SGTB: variants seen among roughly 807,000 people sequenced by gnomAD.
The protein encoded by SGTB is small glutamine rich tetratricopeptide repeat co-chaperone beta.
A neutral mutation model predicts 43.9 loss-of-function variants in SGTB; 19 were observed. The observed-to-expected ratio is 0.43, with a 90% confidence interval of 0.30 to 0.63. SGTB has a LOEUF of 0.63. Ranked by LOEUF, SGTB falls within the 30% of genes least tolerant of loss-of-function variation. The pLI is 0.12. For missense variants in SGTB, 304 were observed against 358.9 expected (o/e 0.85, Z 1.24); for synonymous variants, 116 against 117.3 (o/e 0.99, Z 0.07).
At chr5:65,698,889 T>TG (rs1171256411) in intron 5 of SGTB, among the ~76,000 whole-genome samples, 4 of 152,182 alleles carry the variant, frequency 2.6e-5, no homozygotes, top group Admixed American at 2.6e-4. Flanking sequence ...CAACAGATGT[T>TG]GGCATGGACG....
chr5:65,703,740 A>C (rs1455599093), intron 5 of SGTB, among the ~76,000 whole-genome samples: 1 of 150,668 alleles, frequency 6.6e-6, no homozygotes, highest in Non-Finnish European at 1.5e-5. Context: ...AATAAAAATA[A>C]AAATGAATAA....
At chr5:65,722,110 G>A (rs984704860), upstream of SGTB, 90 of 179,072 alleles carry the variant, frequency 5.0e-4, no homozygotes, top group African/African-American at 2.0e-3. Flanking sequence ...GGCAGGGTCT[G>A]GCCAGCACCG....
At chr5:65,690,762 C>T (rs959091165) in intron 5 of SGTB, among the ~76,000 whole-genome samples, 1 of 152,070 alleles carries the variant, frequency 6.6e-6, no homozygotes, top group Non-Finnish European at 1.5e-5. Context: ...CACTCTCATC[C>T]TATAGGGGAT....
At chr5:65,685,255 C>G (rs1757476390) in intron 6 of SGTB, 113 bp downstream of exon 6, 1 of 805,230 alleles carries the variant, frequency 1.2e-6, no homozygotes, top group Admixed American at 2.4e-5. Flanking sequence ...TTTTATTTAT[C>G]CTCTTATTAG....
intron 2 of SGTB, among the ~76,000 whole-genome samples, chr5:65,715,751 C>T (rs1209683413): frequency 6.6e-6 from 1 of 152,136 alleles, no homozygotes; most frequent in East Asian, 1.9e-4. Flanking sequence ...AGCAGAAAAG[C>T]AGCTGCAGGG....
chr5:65,677,014 CA>C (rs34685401), intron 8 of SGTB, among the ~76,000 whole-genome samples: 107,882 of 134,394 alleles, frequency 0.8, 42,563 homozygotes, highest in East Asian at 0.98. Flanking sequence ...GAAAACCCTT[CA>C]AAAAAAAAAA....
chr5:65,686,588 G>C lies in SGTB; in HGVS notation c.375-1116C>G, dbSNP rs28491762. ...TGCCCAGGCAAGTCCTGAACTCCTG[G>C]GCTCATGCTATCCTCCCGCCTCTGC... On this transcript the variant is annotated intron_variant, in intron 5 of 10. Coordinates refer to ENST00000381007, the MANE Select transcript of SGTB (RefSeq NM_019072.3). 1.5e-3 allele frequency among the ~76,000 whole-genome samples: 228 copies of C among 151,366 alleles called. 1 individual carries two copies. Among genetic ancestry groups the C allele is most frequent in the African/African-American group, 5.5e-3 (226 of 41,166 alleles).
At chr5:65,715,770 G>C (rs910151610) in intron 2 of SGTB, among the ~76,000 whole-genome samples, 1 of 152,098 alleles carries the variant, frequency 6.6e-6, no homozygotes, top group East Asian at 1.9e-4. Flanking sequence ...GGTTTTTGTT[G>C]TTGTTGTTGT....
chr5:65,694,113 A>G (rs1224306469), intron 5 of SGTB, among the ~76,000 whole-genome samples: 1 of 152,138 alleles, frequency 6.6e-6, no homozygotes, highest in Non-Finnish European at 1.5e-5. Flanking sequence ...GCATAGGGGC[A>G]TGGTCAGGAG....
intron 5 of SGTB, among the ~76,000 whole-genome samples, chr5:65,701,789 T>C (rs554075410): frequency 2.0e-3 from 308 of 152,124 alleles, no homozygotes; most frequent in Non-Finnish European, 3.6e-3. Context: ...CCTGCCACCA[T>C]GCCCGGCTAA....
chr5:65,680,737 T>C lies in SGTB; in HGVS notation c.537A>G (p.Ala179=). The C allele has an allele frequency of 2.5e-6, 4 of 1,614,076 alleles. No individual in the cohort carries two copies. The highest frequency in any genetic ancestry group is 2.2e-5 in the South Asian group (2 of 91,082). Residue 179 remains alanine, a synonymous_variant, in exon 7 of 11, where the codon GCA becomes GCG. Coordinates refer to ENST00000381007, the MANE Select transcript of SGTB (RefSeq NM_019072.3). ...AATCATTTTCAGGGTCAAGATCTAA[T>C]GCCTTTTGATAACTTGTAACTGCTT... is the stretch of plus-strand genomic sequence containing the variant. ...FEEAVTSYQK[A]LDLDPENDSY...
At chr5:65,720,930 G>A in intron 1 of SGTB, 101 bp from the exon 2 acceptor site, 2 of 1,265,692 alleles carry the variant, frequency 1.6e-6, no homozygotes, top group Non-Finnish European at 2.1e-6. Flanking sequence ...GTGTATTAAA[G>A]GTAAAAACAA....
chr5:65,714,090 A>G (rs1226320440), intron 2 of SGTB, among the ~76,000 whole-genome samples: 2 of 152,178 alleles, frequency 1.3e-5, no homozygotes, highest in East Asian at 3.9e-4. Context: ...TACTCTCACT[A>G]CAAACCTAAA....
chr5:65,705,766 C>T (rs1757921014), intron 4 of SGTB, among the ~76,000 whole-genome samples: 1 of 151,708 alleles, frequency 6.6e-6, no homozygotes, highest in South Asian at 2.1e-4. Context: ...GATGGCTCAT[C>T]CTTGTAATCC....
At chr5:65,691,847 C>T (rs1757616937) in intron 5 of SGTB, among the ~76,000 whole-genome samples, 3 of 150,618 alleles carry the variant, frequency 2.0e-5, no homozygotes, top group Admixed American at 2.0e-4. Context: ...AGGAGAATGG[C>T]GTGAACCCGG....
Position 65,701,699 on chromosome 5 carries a change from C to T in SGTB, c.374+2580G>A, listed in dbSNP as rs1012301619. On this transcript the variant is annotated intron_variant, in intron 5 of 10. Transcript: ENST00000381007. Reference sequence around the variant, plus strand: ...CCAGGCTGGAGTGCAGTGGCGCCATCTTGGCTTTCTACAAGCTCCGCCTCC... The same window carrying T: ...CCAGGCTGGAGTGCAGTGGCGCCATTTTGGCTTTCTACAAGCTCCGCCTCC... Among the ~76,000 whole-genome samples the T allele has an allele frequency of 4.1e-5, 6 of 145,460 alleles. No individual in the cohort carries two copies. In the Admixed American group the frequency reaches 4.3e-4, roughly 10 times the overall value.
chr5:65,709,828 T>C (rs1758011991), intron 3 of SGTB, among the ~76,000 whole-genome samples: 1 of 152,194 alleles, frequency 6.6e-6, no homozygotes, highest in Non-Finnish European at 1.5e-5. Context: ...CTCAAACTCC[T>C]AGCTTAAGCA....
chr5:65,672,609 A>G (rs1036732599), intron 8 of SGTB, among the ~76,000 whole-genome samples: 3 of 152,206 alleles, frequency 2.0e-5, no homozygotes, highest in African/African-American at 4.8e-5. Flanking sequence ...GATCTCCTAC[A>G]CTTGAGAAGG....
At chr5:65,722,461 C>T (rs772781392), upstream of SGTB, 3 of 1,532,004 alleles carry the variant, frequency 2.0e-6, no homozygotes, top group South Asian at 3.6e-5. Flanking sequence ...AGGGCGGGGT[C>T]TTTCGCCGTG....
Sources: gnomAD v4.1 joint callset for allele counts (sites outside exome capture counted in the v4.1 genomes callset) on GRCh38, gnomAD v4.1.1 for gene constraint, MANE v1.5 for transcripts, NCBI Gene and HGNC (gene_info 2026-07-23, HGNC 2026-07-21) for gene names.